Variants in SLC38A7 observed in about 807,000 individuals in gnomAD.
The protein encoded by SLC38A7 is sodium-coupled neutral amino acid transporter 7.
A neutral mutation model predicts 50.1 loss-of-function variants in SLC38A7; 29 were observed. That is an observed-to-expected ratio of 0.58 (90% CI 0.43 to 0.79). The LOEUF (loss-of-function observed/expected upper bound fraction) is 0.79, where lower values mean the gene tolerates loss of function less well. SLC38A7 is among the 30% of genes least tolerant of loss of function. The probability of loss-of-function intolerance (pLI) is 0.00; values close to 1 mark genes in which losing one functional copy is unlikely to be tolerated. For synonymous variants in SLC38A7, 244 were observed against 245.9 expected, an observed-to-expected ratio of 0.99 and a Z score of 0.07; for missense variants, 483 against 610.6, an observed-to-expected ratio of 0.79 and a Z score of 2.20.
In SLC38A7 at chr16:58,678,760, G is replaced by A. The variant is rs746434047; in HGVS notation, c.405C>T (p.Ile135=). The A allele has an allele frequency of 7.4e-6, 12 of 1,614,076 alleles. No individual in the cohort carries two copies. In the East Asian group the frequency reaches 1.6e-4, roughly 21 times the overall value. Residue 135 remains isoleucine, a synonymous_variant, in exon 4 of 12, where the codon ATC becomes ATT. Transcript: ENST00000219320. The surrounding 1 kb of genome is among the most constrained non-coding windows in gnomAD (Gnocchi z 4.0). ...KLTGVLCEVA[I]AVYTFGTCIA... ...TGCAGGTGCCAAAGGTGTAGACAGC[G>A]ATGGCCACCTCACATAGCACACCTG...
intron 11 of SLC38A7, among the ~76,000 whole-genome samples, chr16:58,667,771 CA>C (rs894003816): frequency 6.6e-6 from 1 of 152,034 alleles, no homozygotes; most frequent in African/African-American, 2.4e-5. Context: ...AAAAGCACGT[CA>C]CATGGAATGT....
At chr16:58,668,164 G>A (rs1283237194) in intron 11 of SLC38A7, among the ~76,000 whole-genome samples, 1 of 152,064 alleles carries the variant, frequency 6.6e-6, no homozygotes, top group Admixed American at 6.6e-5. Flanking sequence ...TAGGCTGGGT[G>A]TGGTGGCTCA....
chr16:58,676,726 A>T (rs527365222), intron 6 of SLC38A7, among the ~76,000 whole-genome samples: 1 of 152,208 alleles, frequency 6.6e-6, no homozygotes, highest in Non-Finnish European at 1.5e-5. Context: ...ATCTCGGCTC[A>T]CTGCAACTTC....
rs764796204 is a variant in SLC38A7 at position 58,678,651 on chromosome 16, G to T, written c.469+45C>A. Reference sequence around the variant, plus strand: ...TTTTCCCTCCACCCCAGGATCCCTGGGGCTGATAAGAAGAGATGGGGTAGG... The same window carrying T: ...TTTTCCCTCCACCCCAGGATCCCTGTGGCTGATAAGAAGAGATGGGGTAGG... On this transcript the variant is annotated intron_variant, in intron 4 of 11. Coordinates refer to ENST00000219320, the MANE Select transcript of SLC38A7 (RefSeq NM_018231.3). The surrounding 1 kb of genome is among the most constrained non-coding windows in gnomAD (Gnocchi z 4.0). 84 of 1,604,234 alleles carry T rather than the reference G, an allele frequency of 5.2e-5. No individual in the cohort carries two copies. The highest frequency in any genetic ancestry group is 6.5e-5 in the Non-Finnish European group (76 of 1,174,138).
In SLC38A7 at chr16:58,678,575, T is replaced by G. The variant is rs926983828; in HGVS notation, c.470-101A>C. On this transcript the variant is annotated intron_variant, in intron 4 of 11. Transcript: ENST00000219320. The surrounding 1 kb of genome is among the most constrained non-coding windows in gnomAD (Gnocchi z 4.0). ...GACCTCCCTCTGCCTGGAGGGAGGATTCCCAGATGAATGCTGGGCCCAGGT... is the reference window on the plus strand; with the variant it reads ...GACCTCCCTCTGCCTGGAGGGAGGAGTCCCAGATGAATGCTGGGCCCAGGT... The G allele has an allele frequency of 9.7e-6, 15 of 1,553,718 alleles. No individual in the cohort carries two copies. The African/African-American group carries it at 2.0e-4, about 21-fold the overall frequency.
At chr16:58,680,605 C>T (rs2044369622) in intron 2 of SLC38A7, among the ~76,000 whole-genome samples, 1 of 152,182 alleles carries the variant, frequency 6.6e-6, no homozygotes, top group South Asian at 2.1e-4. Context: ...CCATCACTGA[C>T]CCAGGGTCAT....
In SLC38A7 at chr16:58,679,869, G is replaced by T. The variant is rs772777147; in HGVS notation, c.258C>A (p.Ile86=). Residue 86 remains isoleucine (I), a synonymous_variant, in exon 3 of 12, where the codon ATC becomes ATA. Coordinates refer to ENST00000219320, the MANE Select transcript of SLC38A7 (RefSeq NM_018231.3). ...FSTAGGVAAG[I]ALQMGMLVFI... The stretch of plus-strand genomic sequence containing the variant: ...CCAGTGCACTCACCATCTGCAGTGC[G>T]ATGCCTGCTGCCACGCCCCCCGCAG... The T allele has an allele frequency of 1.2e-6, 2 of 1,613,818 alleles. No homozygotes were observed. Among genetic ancestry groups the T allele is most frequent in the East Asian group, 4.5e-5 (2 of 44,876 alleles).
intron 2 of SLC38A7, among the ~76,000 whole-genome samples, chr16:58,680,851 T>C (rs1329206223): frequency 6.6e-6 from 1 of 152,192 alleles, no homozygotes; most frequent in Non-Finnish European, 1.5e-5. Context: ...CTGTCATGTT[T>C]GCGTCTTCAG....
chr16:58,679,799 T>C (rs2044349327), intron 3 of SLC38A7, 58 bp downstream of exon 3: 1 of 1,606,516 alleles, frequency 6.2e-7, no homozygotes, highest in Non-Finnish European at 8.5e-7. Flanking sequence ...GAAGCCTCCC[T>C]TTTGAGGCAA....
intron 1 of SLC38A7, 160 bp downstream of exon 1, chr16:58,684,557 G>C (rs1203413858): frequency 6.5e-6 from 1 of 152,700 alleles, no homozygotes; most frequent in Admixed American, 6.5e-5. Context: ...GCGCGGCAGA[G>C]CTGGCGCAAC....
At position 58,678,832 on chromosome 16, in the gene SLC38A7, A is replaced by T; in HGVS notation, c.333T>A (p.Asn111Lys). ...ATACCACCTCCTGGTAGGTCCTCTC[A>T]TTGCTGGCCTGGGAGCAGTAGGCCA... ...VILAYCSQASNERTYQEVVWA... is the reference protein window; with the variant it reads ...VILAYCSQASKERTYQEVVWA... Residue 111 changes from asparagine to lysine, a missense_variant, in exon 4 of 12, where the codon AAT (asparagine) becomes AAA (lysine). Transcript: ENST00000219320. This position sits in a 1 kb window ranked among gnomAD's most constrained non-coding sequence, Gnocchi z 4.0. The T allele has an allele frequency of 1.2e-6, 2 of 1,613,924 alleles. No homozygotes were observed.
chr16:58,675,420 C>A, intron 8 of SLC38A7: 1 of 377,876 alleles, frequency 2.6e-6, no homozygotes, highest in Non-Finnish European at 5.1e-6. Flanking sequence ...GAGGCTGAGG[C>A]AGGAGGATCA....
Position 58,676,126 on chromosome 16 carries a change from G to A in SLC38A7, c.769-72C>T, listed in dbSNP as rs2044261297. On this transcript the variant is annotated intron_variant, in intron 7 of 11. Coordinates refer to ENST00000219320, the MANE Select transcript of SLC38A7 (RefSeq NM_018231.3). ...CCAGTTTCCAGAGGAAGGTACCTTG[G>A]GAACAAAGACCCCAGGAACAAGGGG... 4.5e-6 allele frequency: 7 copies of A among 1,567,746 alleles called. No individual in the cohort carries two copies. The South Asian group carries it at 6.7e-5, about 15-fold the overall frequency.
chr16:58,667,200 G>C lies in SLC38A7; in HGVS notation c.*185C>G. 2 of 561,904 alleles carry C rather than the reference G, an allele frequency of 3.6e-6. No individual in the cohort carries two copies. Among genetic ancestry groups the C allele is most frequent in the Non-Finnish European group, 6.3e-6 (2 of 319,492 alleles). 34.8% of individuals were successfully genotyped at this position (561,904 alleles called of 1,614,324 possible). ...ACGGCACTGCCAGGACTGGGGAGCA[G>C]GAAGGGGACTGGATTTGAGCTGTCC... On this transcript the variant is annotated 3_prime_UTR_variant, in exon 12 of 12. Coordinates refer to ENST00000219320, the MANE Select transcript of SLC38A7 (RefSeq NM_018231.3).
At chr16:58,676,259 C>T (rs2044263763) in intron 7 of SLC38A7, 30 bp downstream of exon 7, 1 of 1,614,052 alleles carries the variant, frequency 6.2e-7, no homozygotes, top group African/African-American at 1.3e-5. Flanking sequence ...TCTAAGGGGA[C>T]AGCAGGGACC....
chr16:58,675,441 G>C, intron 8 of SLC38A7: 1 of 363,094 alleles, frequency 2.8e-6, no homozygotes, highest in South Asian at 2.3e-5. Flanking sequence ...CTCGACCTCA[G>C]CAGGTTGAGG....
In SLC38A7 at chr16:58,680,076, C is replaced by T. The variant is rs746228613; in HGVS notation, c.51G>A (p.Thr17=). 30 of 1,569,272 alleles carry T rather than the reference C, an allele frequency of 1.9e-5. No individual in the cohort carries two copies. The highest frequency in any genetic ancestry group is 2.4e-5 in the Non-Finnish European group (28 of 1,157,464). ...GCAGCCGAGCCCGCTCCCCGGCATC[C>T]GTGCTCAAGTCCCACTCGCTGTAGT... ...NNDYSEWDLS[T]DAGERARLLQ... Residue 17 remains threonine (T), a synonymous_variant, in exon 3 of 12, where the codon ACG becomes ACA. Coordinates refer to ENST00000219320, the MANE Select transcript of SLC38A7 (RefSeq NM_018231.3).
At chr16:58,676,959 C>G (rs576564674) in intron 6 of SLC38A7, among the ~76,000 whole-genome samples, 24 of 146,604 alleles carry the variant, frequency 1.6e-4, no homozygotes, top group African/African-American at 5.2e-4. Context: ...TGGCCCCCCC[C>G]CTTTTTTTTT....
chr16:58,682,184 C>T (rs1342629048), intron 2 of SLC38A7, among the ~76,000 whole-genome samples: 1 of 152,032 alleles, frequency 6.6e-6, no homozygotes, highest in Non-Finnish European at 1.5e-5. Context: ...AAAACTCAAA[C>T]CACAGCCTGG....
Sources: gnomAD v4.1 joint callset for allele counts (sites outside exome capture counted in the v4.1 genomes callset) on GRCh38, gnomAD v4.1.1 for gene constraint, Gnocchi (gnomAD v3.1) non-coding constraint, MANE v1.5 for transcripts, NCBI Gene and HGNC (gene_info 2026-07-23, HGNC 2026-07-21) for gene names.